HERC2: variants seen among roughly 807,000 people sequenced by gnomAD.
The protein encoded by HERC2 is HECT and RLD domain containing E3 ubiquitin protein ligase 2, also known as E3 ubiquitin-protein ligase HERC2.
A neutral mutation model predicts 537.7 loss-of-function variants in HERC2; 102 were observed. The observed-to-expected ratio is 0.19, with a 90% CI of 0.16 to 0.22. The LOEUF is 0.22. Among genes scored for constraint, HERC2 ranks in the 10% least tolerant of loss-of-function variants. The probability of loss-of-function intolerance (pLI) is 1.00; values close to 1 mark genes in which losing one functional copy is unlikely to be tolerated. For synonymous variants in HERC2, 2,224 were observed against 2,466.2 expected (o/e 0.90, Z 2.91); for missense variants, 4,236 against 6,198.2 (o/e 0.68, Z 10.63).
At chr15:28,145,051 C>T (rs1046165084) in intron 71 of HERC2, among the ~76,000 whole-genome samples, 9 of 152,256 alleles carry the variant, frequency 5.9e-5, no homozygotes, top group African/African-American at 1.9e-4. Context: ...GGCAGGCGGG[C>T]AGACACTGCC....
At chr15:28,314,245 C>T (rs187636034) in intron 2 of HERC2, among the ~76,000 whole-genome samples, 339 of 151,912 alleles carry the variant, frequency 2.2e-3, no homozygotes, top group African/African-American at 7.8e-3. Flanking sequence ...GTCAACAGAA[C>T]AGACCAAGAG....
intron 14 of HERC2, among the ~76,000 whole-genome samples, chr15:28,264,710 T>A (rs548397580): frequency 6.6e-6 from 1 of 152,326 alleles, no homozygotes; most frequent in South Asian, 2.1e-4. Context: ...GCTAATCTCC[T>A]AACACAGCTT....
chr15:28,277,670 C>T (rs991977734), intron 5 of HERC2, among the ~76,000 whole-genome samples: 34 of 152,202 alleles, frequency 2.2e-4, no homozygotes, highest in Admixed American at 1.8e-3. Flanking sequence ...TAGCACCTAC[C>T]GCCGACCCGT....
At chr15:28,309,557 G>A (rs2076884262) in intron 2 of HERC2, among the ~76,000 whole-genome samples, 2 of 152,132 alleles carry the variant, frequency 1.3e-5, no homozygotes, top group South Asian at 2.1e-4. Flanking sequence ...TCTTCAATTT[G>A]AAGAAGCAAG....
At chr15:28,199,814 G>T (rs796239896) in intron 48 of HERC2, among the ~76,000 whole-genome samples, 3 of 152,274 alleles carry the variant, frequency 2.0e-5, no homozygotes, top group African/African-American at 7.2e-5. Context: ...AACTCCTATT[G>T]TATTGGAGAA....
chr15:28,181,065 C>T (rs1895772509), intron 57 of HERC2, among the ~76,000 whole-genome samples: 1 of 152,184 alleles, frequency 6.6e-6, no homozygotes, highest in African/African-American at 2.4e-5. Flanking sequence ...ATGTCCTGCT[C>T]ACTCTCTGAT....
intron 14 of HERC2, 78 bp from the exon 15 acceptor site, chr15:28,263,247 A>T: frequency 6.7e-7 from 1 of 1,493,012 alleles, no homozygotes; most frequent in Non-Finnish European, 9.1e-7. Context: ...AAATAATATA[A>T]TGAAAAACGC....
In HERC2 at chr15:28,233,732, G is replaced by A. The variant is rs1902127843; in HGVS notation, c.4283C>T (p.Pro1428Leu). 1 of 1,613,174 alleles carries A rather than the reference G, an allele frequency of 6.2e-7. No individual in the cohort carries two copies. Among genetic ancestry groups the A allele is most frequent in the Non-Finnish European group, 8.5e-7 (1 of 1,179,272 alleles). The change falls in exon 28 of 93, where the codon CCC becomes CTC. Residue 1428 changes from proline to leucine, a missense_variant. By Grantham distance (98) the Pro-to-Leu change is moderately conservative (BLOSUM62 -3). This residue lies in a region of HERC2 where 94 missense variants were observed against 174.9 expected (regional missense o/e 0.54). Transcript: ENST00000261609. ...GACCTCTTCCACGGGATGCTCGGGG[G>A]GAAACATGATCGGTGTGGTCAAATG... is the stretch of plus-strand genomic sequence containing the variant. ...QCHLTTPIMF[P>L]PEHPVEEVGR...
intron 86 of HERC2, among the ~76,000 whole-genome samples, chr15:28,120,499 CA>C (rs1320902829): frequency 3.9e-5 from 6 of 152,228 alleles, no homozygotes; most frequent in African/African-American, 9.6e-5. Context: ...CTATCATCAT[CA>C]GGGGCCGAGG....
At chr15:28,123,054 C>T (rs947020578) in intron 85 of HERC2, among the ~76,000 whole-genome samples, 3 of 152,122 alleles carry the variant, frequency 2.0e-5, no homozygotes, top group South Asian at 2.1e-4. Context: ...AATTATGTTT[C>T]CTATCCATTT....
intron 68 of HERC2, among the ~76,000 whole-genome samples, chr15:28,164,952 T>C (rs1200599157): frequency 1.3e-5 from 2 of 152,236 alleles, no homozygotes; most frequent in Non-Finnish European, 2.9e-5. Context: ...GTAGGACATA[T>C]TTTCTGCCAG....
chr15:28,196,861 T>C (rs1206197892), intron 50 of HERC2, among the ~76,000 whole-genome samples: 1 of 152,180 alleles, frequency 6.6e-6, no homozygotes, highest in Non-Finnish European at 1.5e-5. Flanking sequence ...TTCCTTACTT[T>C]TGCATTAGGT....
chr15:28,301,042 C>G (rs2076609856), intron 2 of HERC2, among the ~76,000 whole-genome samples: 1 of 151,872 alleles, frequency 6.6e-6, no homozygotes, highest in Non-Finnish European at 1.5e-5. Flanking sequence ...ATAAAAGACG[C>G]TAGGGCTCTA....
At chr15:28,261,322 A>C (rs2075410182) in intron 15 of HERC2, among the ~76,000 whole-genome samples, 2 of 152,166 alleles carry the variant, frequency 1.3e-5, no homozygotes, top group Non-Finnish European at 2.9e-5. Flanking sequence ...AACAATGCAT[A>C]GCACACTCTT....
At chr15:28,309,358 T>C (rs1160181167) in intron 2 of HERC2, among the ~76,000 whole-genome samples, 13 of 152,218 alleles carry the variant, frequency 8.5e-5, no homozygotes, top group Non-Finnish European at 1.6e-4. Context: ...AGTGCATATA[T>C]ACATATATTT....
At chr15:28,162,045 A>G (rs1420034012) in intron 69 of HERC2, among the ~76,000 whole-genome samples, 4 of 152,196 alleles carry the variant, frequency 2.6e-5, no homozygotes, top group African/African-American at 7.2e-5. Context: ...AAATTAGAAG[A>G]AGGCCGGGCA....
intron 21 of HERC2, among the ~76,000 whole-genome samples, chr15:28,247,653 C>T (rs1053293798): frequency 6.6e-6 from 1 of 152,078 alleles, no homozygotes; most frequent in African/African-American, 2.4e-5. Flanking sequence ...TGGTCTTGAA[C>T]TCCTGACCTT....
rs1337334675 is a variant in HERC2, at chr15:28,157,099, C to T, written c.10747-4269G>A. Among the ~76,000 whole-genome samples, 3 of 152,230 alleles carry T rather than the reference C, an allele frequency of 2.0e-5. No individual in the cohort carries two copies. The East Asian group carries it at 5.8e-4, about 29-fold the overall frequency. On this transcript the variant is annotated intron_variant, in intron 69 of 92. Coordinates refer to ENST00000261609, the MANE Select transcript of HERC2 (RefSeq NM_004667.6). ...AGCCTTGCATCACAGGGATGAAGCC[C>T]ACTTGATCATGGTGGATAAGCTTTT...
chr15:28,170,084 G>C (rs1238515297), intron 65 of HERC2, among the ~76,000 whole-genome samples: 1 of 152,224 alleles, frequency 6.6e-6, no homozygotes, highest in Non-Finnish European at 1.5e-5. Context: ...TCAGCAGAAG[G>C]AGGGAGCCAA....
Sources: gnomAD v4.1 joint callset for allele counts (sites outside exome capture counted in the v4.1 genomes callset) on GRCh38, gnomAD v4.1.1 for gene constraint, gnomAD v4.1.1 regional missense constraint, MANE v1.5 for transcripts, NCBI Gene and HGNC (gene_info 2026-07-23, HGNC 2026-07-21) for gene names.